Variants in GPR50 observed in about 807,000 individuals in gnomAD.
GPR50 encodes melatonin-related receptor.
A neutral mutation model predicts 2.6 loss-of-function variants in GPR50; 1 was observed. That is an observed-to-expected ratio of 0.38 (90% CI 0.13 to 1.79). GPR50 has a LOEUF of 1.79. Among genes scored for constraint, GPR50 ranks in the 40% most tolerant of loss-of-function variants. The pLI, the probability that GPR50 is intolerant of heterozygous loss-of-function variation, is 0.33. For missense variants in GPR50, 535 were observed against 522.1 expected (o/e 1.02, Z -0.24); for synonymous variants, 233 against 202.3 (o/e 1.15, Z -1.29).
chrX:151,180,300 G>A lies in GPR50; in HGVS notation c.717G>A (p.Met239Ile). The A allele has an allele frequency of 8.3e-7, 1 of 1,209,870 alleles. No individual in the cohort carries two copies. Among genetic ancestry groups the A allele is most frequent in the Non-Finnish European group, 1.1e-6 (1 of 895,227 alleles). The change falls in exon 2 of 2, where the codon ATG becomes ATA. Residue 239 changes from methionine to isoleucine, a missense_variant. Coordinates refer to ENST00000218316, the MANE Select transcript of GPR50 (RefSeq NM_004224.3). The part of the protein sequence containing the change: ...QLAEVRNFLT[M>I]FVIFLLFAVC... Reference sequence around the variant, plus strand: ...CTGAGGTTCGCAATTTTCTAACCATGTTTGTGATCTTCCTCCTCTTTGCAG... The same window carrying A: ...CTGAGGTTCGCAATTTTCTAACCATATTTGTGATCTTCCTCCTCTTTGCAG...
rs745374692 is a variant in GPR50, at chrX:151,180,488, G to A, written c.905G>A (p.Arg302Gln). The A allele has an allele frequency of 1.8e-5, 22 of 1,210,797 alleles. No individual in the cohort carries two copies. The highest frequency in any genetic ancestry group is 2.3e-4 in the Middle Eastern group (1 of 4,351). The change falls in exon 2 of 2, where the codon CGA becomes CAA. Residue 302 changes from arginine to glutamine, a missense_variant. By Grantham distance (43) the Arg-to-Gln change is conservative (BLOSUM62 1). Transcript: ENST00000218316. ...VIYGLLNENF[R>Q]REYWTIFHAM... The stretch of plus-strand genomic sequence containing the variant: ...TACGGGCTCCTCAATGAGAATTTCC[G>A]AAGAGAATACTGGACCATCTTCCAT...
Position 151,181,025 on chromosome X carries a change from A to G in GPR50, c.1442A>G (p.His481Arg), listed in dbSNP as rs749806993. ...AACCCCAAGCCCATCACTGGCCACC[A>G]TGTCTCTGCTGGCAGCCACTCCAAG... ...SSNPKPITGH[H>R]VSAGSHSKSA... Residue 481 changes from histidine (H) to arginine (R), a missense_variant, in exon 2 of 2, where the codon CAT (histidine) becomes CGT (arginine). His to Arg is a conservative substitution (Grantham distance 29, BLOSUM62 0). Coordinates refer to ENST00000218316, the MANE Select transcript of GPR50 (RefSeq NM_004224.3). 1 of 1,210,687 alleles carries G rather than the reference A, an allele frequency of 8.3e-7. No homozygotes were observed. The highest frequency in any genetic ancestry group is 1.1e-6 in the Non-Finnish European group (1 of 895,123).
chrX:151,177,112 A>T (rs1170300736), intron 1 of GPR50, among the ~76,000 whole-genome samples: 7 of 112,620 alleles, frequency 6.2e-5, no homozygotes, highest in Non-Finnish European at 3.8e-5. Flanking sequence ...GAGAGAGCAC[A>T]GAGAATTAGC....
intron 1 of GPR50, among the ~76,000 whole-genome samples, chrX:151,177,144 C>A (rs1481905809): frequency 8.9e-6 from 1 of 112,621 alleles, no homozygotes; most frequent in South Asian, 3.7e-4. Flanking sequence ...AAGTACAAAG[C>A]GTTCCCGTGG....
chrX:151,178,100 C>G (rs1183124634), intron 1 of GPR50, among the ~76,000 whole-genome samples: 1 of 108,368 alleles, frequency 9.2e-6, no homozygotes, highest in Non-Finnish European at 1.9e-5. Flanking sequence ...GCCAGATTCT[C>G]GATCGGCTGG....
At position 151,176,826 on chromosome X, in the gene GPR50, G is replaced by A; in HGVS notation, c.105G>A (p.Met35Ile). The A allele has an allele frequency of 8.3e-7, 1 of 1,205,226 alleles. No homozygotes were observed. Among genetic ancestry groups the A allele is most frequent in the Non-Finnish European group, 1.1e-6 (1 of 889,955 alleles). The change falls in exon 1 of 2, where the codon ATG (methionine) becomes ATA (isoleucine). Residue 35 changes from methionine (M) to isoleucine (I), a missense_variant. Physicochemically the swap from Met to Ile is conservative, Grantham distance 10 (BLOSUM62 1). Coordinates refer to ENST00000218316, the MANE Select transcript of GPR50 (RefSeq NM_004224.3). ...TAATCATCTTTATGTTCTGCGCGAT[G>A]GTTATCACCATCGTTGTAGACCTAA... is the stretch of plus-strand genomic sequence containing the variant. ...PALIIFMFCA[M>I]VITIVVDLIG...
At position 151,180,593 on chromosome X, in the gene GPR50, G is replaced by A. The variant is rs375512067; in HGVS notation, c.1010G>A (p.Arg337His). The A allele has an allele frequency of 1.2e-4, 144 of 1,207,912 alleles. No homozygotes were observed. The African/African-American group carries it at 1.5e-3, about 12-fold the overall frequency. Residue 337 changes from arginine (R) to histidine (H), a missense_variant, in exon 2 of 2, where the codon CGC becomes CAC. Coordinates refer to ENST00000218316, the MANE Select transcript of GPR50 (RefSeq NM_004224.3). ...ATGCAGGAGGCCCGTACCCTGGCCC[G>A]CGCCCGTGCCCATGCTCGCGACCAA... The part of the protein sequence containing the change: ...REMQEARTLA[R>H]ARAHARDQAR...
rs2124120335 is a variant in GPR50 at position 151,181,083 on chromosome X, ACCCACCACTGGC to A, written c.1502_1513del (p.Pro501_Gly504del). 26 of 1,164,938 alleles carry A rather than the reference ACCCACCACTGGC, an allele frequency of 2.2e-5. No homozygotes were observed. Among genetic ancestry groups the A allele is most frequent in the Non-Finnish European group, 3.0e-5 (26 of 871,903 alleles). ...TCAGTGCTGCCACCAGCCACCCTAA[ACCCACCACTGGC>A]CACATCAAGCCAGCTACCAGCCATG... On this transcript the variant is annotated inframe_deletion, in exon 2 of 2. Coordinates refer to ENST00000218316, the MANE Select transcript of GPR50 (RefSeq NM_004224.3).
chrX:151,176,648 A>C lies in GPR50; in HGVS notation c.-74A>C. Reference sequence around the variant, plus strand: ...CTTTCCTGGAGCTCCTGGTGACAGAACAGGTGTTTGCTGTCTGGACCTGGC... The same window carrying C: ...CTTTCCTGGAGCTCCTGGTGACAGACCAGGTGTTTGCTGTCTGGACCTGGC... On this transcript the variant is annotated 5_prime_UTR_variant, in exon 1 of 2. Coordinates refer to ENST00000218316, the MANE Select transcript of GPR50 (RefSeq NM_004224.3). 1.5e-6 allele frequency: 1 copy of C among 680,510 alleles called. No homozygotes were observed. Among genetic ancestry groups the C allele is most frequent in the East Asian group, 3.5e-5 (1 of 28,823 alleles). 56.1% of individuals were successfully genotyped at this position (680,510 alleles called of 1,213,427 possible).
intron 1 of GPR50, among the ~76,000 whole-genome samples, chrX:151,178,135 G>C (rs1366844188): frequency 9.1e-6 from 1 of 109,734 alleles, no homozygotes; most frequent in Non-Finnish European, 1.9e-5. Context: ...ACCGAAGGGG[G>C]TCTGAGAGGG....
At chrX:151,178,371 AC>A (rs1052186622) in intron 1 of GPR50, among the ~76,000 whole-genome samples, 2 of 112,211 alleles carry the variant, frequency 1.8e-5, no homozygotes, top group Non-Finnish European at 1.9e-5. Flanking sequence ...CTTCACCTTC[AC>A]CCCCGCGGTG....
Position 151,180,143 on chromosome X carries a change from T to C in GPR50, c.560T>C (p.Val187Ala). ...TCIFNYLNNP[V>A]FTVTIVCIHF... is the part of the protein sequence containing the mutation. Reference sequence around the variant, plus strand: ...ATCTTCAACTATCTGAACAACCCTGTCTTCACTGTTACCATCGTCTGCATC... The same window carrying C: ...ATCTTCAACTATCTGAACAACCCTGCCTTCACTGTTACCATCGTCTGCATC... The change falls in exon 2 of 2, where the codon GTC becomes GCC. Residue 187 changes from valine to alanine, a missense_variant. Val to Ala is a moderately conservative substitution (Grantham distance 64). Coordinates refer to ENST00000218316, the MANE Select transcript of GPR50 (RefSeq NM_004224.3). 8.3e-7 allele frequency: 1 copy of C among 1,207,958 alleles called. No individual in the cohort carries two copies. The highest frequency in any genetic ancestry group is 1.8e-5 in the South Asian group (1 of 56,938).
Position 151,179,803 on chromosome X carries a change from G to A in GPR50, c.220G>A (p.Asp74Asn), listed in dbSNP as rs764080839. ...NIFVVSLSVADMLVAIYPYPL... is the reference protein window; with the variant it reads ...NIFVVSLSVANMLVAIYPYPL... ...CTTCGTGGTCAGTCTCTCTGTGGCC[G>A]ATATGCTGGTGGCCATCTACCCATA... Residue 74 changes from aspartate to asparagine, a missense_variant, in exon 2 of 2, where the codon GAT becomes AAT. By Grantham distance (23) the Asp-to-Asn change is conservative (BLOSUM62 1). Transcript: ENST00000218316. The A allele has an allele frequency of 1.3e-5, 15 of 1,187,035 alleles. No individual in the cohort carries two copies. The Admixed American group carries it at 2.0e-4, about 16-fold the overall frequency.
chrX:151,181,517 C>A, downstream of GPR50: 2 of 655,810 alleles, frequency 3.0e-6, no homozygotes, highest in Non-Finnish European at 4.7e-6. Flanking sequence ...AGATGCCTTA[C>A]TGCATCTAGA....
In GPR50 at chrX:151,179,873, G is replaced by A. The variant is rs2048701266; in HGVS notation, c.290G>A (p.Ser97Asn). ...HAMSIGGWDL[S>N]QLQCQMVGFI... ...ATGTCCATTGGGGGCTGGGATCTGA[G>A]CCAGTTACAGTGCCAGATGGTCGGG... The change falls in exon 2 of 2, where the codon AGC becomes AAC. Residue 97 changes from serine to asparagine, a missense_variant. Coordinates refer to ENST00000218316, the MANE Select transcript of GPR50 (RefSeq NM_004224.3). The A allele has an allele frequency of 8.3e-7, 1 of 1,210,579 alleles. No homozygotes were observed. Among genetic ancestry groups the A allele is most frequent in the East Asian group, 3.0e-5 (1 of 33,826 alleles).
Position 151,180,139 on chromosome X carries a change from C to T in GPR50, c.556C>T (p.Pro186Ser). 1.7e-6 allele frequency: 2 copies of T among 1,207,861 alleles called. No individual in the cohort carries two copies. Among genetic ancestry groups the T allele is most frequent in the Non-Finnish European group, 2.2e-6 (2 of 894,662 alleles). Residue 186 changes from proline (P) to serine (S), a missense_variant, in exon 2 of 2, where the codon CCT becomes TCT. Transcript: ENST00000218316. Reference protein sequence around the residue: ...YTCIFNYLNNPVFTVTIVCIH... With the variant: ...YTCIFNYLNNSVFTVTIVCIH... Reference sequence around the variant, plus strand: ...CTGCATCTTCAACTATCTGAACAACCCTGTCTTCACTGTTACCATCGTCTG... The same window carrying T: ...CTGCATCTTCAACTATCTGAACAACTCTGTCTTCACTGTTACCATCGTCTG...
In GPR50 at chrX:151,180,275, C is replaced by G. The variant is rs1418241293; in HGVS notation, c.692C>G (p.Ala231Gly). 4.1e-6 allele frequency: 5 copies of G among 1,208,769 alleles called. No individual in the cohort carries two copies. The highest frequency in any genetic ancestry group is 2.3e-4 in the Middle Eastern group (1 of 4,355). Reference sequence around the variant, plus strand: ...GGGCAGAATCCTGACAACCAACTTGCTGAGGTTCGCAATTTTCTAACCATG... The same window carrying G: ...GGGCAGAATCCTGACAACCAACTTGGTGAGGTTCGCAATTTTCTAACCATG... Reference protein sequence around the residue: ...PAGQNPDNQLAEVRNFLTMFV... With the variant: ...PAGQNPDNQLGEVRNFLTMFV... The change falls in exon 2 of 2, where the codon GCT becomes GGT. Residue 231 changes from alanine (A) to glycine (G), a missense_variant. By Grantham distance (60) the Ala-to-Gly change is moderately conservative. Coordinates refer to ENST00000218316, the MANE Select transcript of GPR50 (RefSeq NM_004224.3).
At chrX:151,181,530 C>A (rs1602729603), downstream of GPR50, 1 of 567,966 alleles carries the variant, frequency 1.8e-6, no homozygotes, top group Non-Finnish European at 2.9e-6. Context: ...CATCTAGACA[C>A]AGACACTGAC....
chrX:151,178,461 T>C (rs867838563), intron 1 of GPR50, among the ~76,000 whole-genome samples: 5 of 112,740 alleles, frequency 4.4e-5, no homozygotes, highest in African/African-American at 9.7e-5. Flanking sequence ...TTCTTTTCTT[T>C]CTTTTTCTCC....
Sources: allele counts gnomAD v4.1 joint callset (sites outside exome capture counted in the v4.1 genomes callset), GRCh38; gene constraint gnomAD v4.1.1; transcripts MANE v1.5; gene names NCBI Gene and HGNC (gene_info 2026-07-23, HGNC 2026-07-21).